Variants in ACTB observed in about 807,000 individuals in gnomAD.
ACTB encodes actin beta.
ACTB carries 2 observed loss-of-function variants against 30.5 expected under a neutral mutation model. The ratio of observed to expected loss-of-function variants is 0.07; its 90% CI spans 0.03 to 0.21. The LOEUF (loss-of-function observed/expected upper bound fraction) is 0.21, where lower values mean the gene tolerates loss of function less well. Ranked by LOEUF, ACTB falls within the 10% of genes least tolerant of loss-of-function variation. ACTB has a pLI of 1.00. For missense variants in ACTB, 56 were observed against 530.0 expected, an observed-to-expected ratio of 0.11 and a Z score of 8.78; for synonymous variants, 335 against 217.6, an observed-to-expected ratio of 1.54 and a Z score of -4.75.
At chr7:5,530,138 C>T (rs1784858886) in intron 1 of ACTB, among the ~76,000 whole-genome samples, 1 of 152,036 alleles carries the variant, frequency 6.6e-6, no homozygotes. Flanking sequence ...TCCCAGCGCG[C>T]ACGCAGTTAG....
At position 5,528,273 on chromosome 7, in the gene ACTB, C is replaced by T; in HGVS notation, c.802+8G>A. On this transcript the variant is annotated splice_region_variant and intron_variant, in intron 4 of 5. Coordinates refer to ENST00000646664, the MANE Select transcript of ACTB (RefSeq NM_001101.5). ...GTCAGGCAGAGCCGGGAGACAGTCT[C>T]CACTCACCCAGGAAGGAAGGCTGGA... 2 of 1,613,812 alleles carry T rather than the reference C, an allele frequency of 1.2e-6. No individual in the cohort carries two copies. Among genetic ancestry groups the T allele is most frequent in the Non-Finnish European group, 1.7e-6 (2 of 1,179,712 alleles).
intron 1 of ACTB, 193 bp from the exon 2 acceptor site, chr7:5,529,856 G>T: frequency 1.0e-6 from 1 of 960,474 alleles, no homozygotes; most frequent in Non-Finnish European, 1.6e-6. Flanking sequence ...GCGGCAGGAA[G>T]CCAGGCCCCA....
chr7:5,527,847 G>A lies in ACTB; in HGVS notation c.1029C>T (p.Gly343=), dbSNP rs1334501614. The A allele has an allele frequency of 6.2e-7, 1 of 1,612,728 alleles. No individual in the cohort carries two copies. The highest frequency in any genetic ancestry group is 2.2e-5 in the East Asian group (1 of 44,776). ...PERKYSVWIG[G]SILASLSTFQ... ...AGGTGGACAGCGAGGCCAGGATGGA[G>A]CCGCCGATCCACACGGAGTACTTGC... The change falls in exon 6 of 6, where the codon GGC becomes GGT. Residue 343 remains glycine (G), a synonymous_variant. Transcript: ENST00000646664.
chr7:5,528,922 CCAGT>C, intron 3 of ACTB: 1 of 1,473,210 alleles, frequency 6.8e-7, no homozygotes, highest in Middle Eastern at 1.9e-4. Flanking sequence ...GTCACACGAG[CCAGT>C]GTTAGTACCT....
intron 1 of ACTB, 109 bp downstream of exon 1, chr7:5,530,415 C>G (rs567390960): frequency 2.0e-5 from 3 of 152,334 alleles, no homozygotes; most frequent in East Asian, 1.9e-4. Flanking sequence ...GTTCCCCCCC[C>G]ATGCGCCCCC....
intron 1 of ACTB, 99 bp from the exon 2 acceptor site, chr7:5,529,762 GCC>G (rs1562720297): frequency 6.4e-7 from 1 of 1,570,612 alleles, no homozygotes; most frequent in Non-Finnish European, 8.7e-7. Context: ...GCCGGCGCGC[GCC>G]CAGATTGGGG....
intron 1 of ACTB, chr7:5,530,120 G>A (rs1433451114): frequency 6.6e-6 from 1 of 152,468 alleles, no homozygotes; most frequent in Admixed American, 6.5e-5. Context: ...CGCGCAATTA[G>A]CGCCAATTCC....
chr7:5,530,527 GC>G lies in ACTB; in HGVS notation c.-11del, dbSNP rs1258691470. ...CCGGTCGGCTGGCCGGGCTTACCTG[GC>G]GGCGGGTGTGGACGGGCGGCGGATC... On this transcript the variant is annotated 5_prime_UTR_variant, in exon 1 of 6. Transcript: ENST00000646664. 1 of 152,182 alleles carries G rather than the reference GC, an allele frequency of 6.6e-6. No individual in the cohort carries two copies. Among genetic ancestry groups the G allele is most frequent in the Non-Finnish European group, 1.5e-5 (1 of 68,224 alleles). The allele number at this position is 152,182 out of a possible 1,614,324, so 9.4% of individuals were successfully genotyped here.
At chr7:5,529,798 G>C (rs923060403) in intron 1 of ACTB, 135 bp from the exon 2 acceptor site, 11 of 1,418,298 alleles carry the variant, frequency 7.8e-6, no homozygotes, top group South Asian at 2.4e-5. Context: ...GGCCGGCCGC[G>C]TTATTACCAT....
At chr7:5,527,942 C>CA in intron 5 of ACTB, 51 bp from the exon 6 acceptor site, 1 of 1,613,054 alleles carries the variant, frequency 6.2e-7, no homozygotes. Context: ...GACAGCTCCC[C>CA]ACACACCACA....
rs778199310 is a variant in ACTB at position 5,527,396 on chromosome 7, T to C, written c.*352A>G. The C allele has an allele frequency of 1.8e-5, 7 of 391,286 alleles. No homozygotes were observed. Among genetic ancestry groups the C allele is most frequent in the Non-Finnish European group, 3.3e-5 (7 of 211,396 alleles). The allele number at this position is 391,286 out of a possible 1,614,324, so 24.2% of individuals were successfully genotyped here. Reference sequence around the variant, plus strand: ...ACGAAAGCAATGCTATCACCTCCCCTGTGTGGACTTGGGAGAGGACTGGGC... The same window carrying C: ...ACGAAAGCAATGCTATCACCTCCCCCGTGTGGACTTGGGAGAGGACTGGGC... On this transcript the variant is annotated 3_prime_UTR_variant, in exon 6 of 6. Transcript: ENST00000646664.
rs1064790 is a variant in ACTB at position 5,527,862 on chromosome 7, G to T, written c.1014C>A (p.Ser338=). ...CCAGGATGGAGCCGCCGATCCACAC[G>T]GAGTACTTGCGCTCAGGAGGAGCAA... ...KIIAPPERKY[S]VWIGGSILAS... The change falls in exon 6 of 6, where the codon TCC becomes TCA. Residue 338 remains serine (S), a synonymous_variant. Coordinates refer to ENST00000646664, the MANE Select transcript of ACTB (RefSeq NM_001101.5). 2 of 1,614,050 alleles carry T rather than the reference G, an allele frequency of 1.2e-6. No homozygotes were observed. Among genetic ancestry groups the T allele is most frequent in the Non-Finnish European group, 1.7e-6 (2 of 1,179,976 alleles).
rs768066226 is a variant in ACTB at position 5,529,628 on chromosome 7, G to A, written c.30C>T (p.Val10=). The A allele has an allele frequency of 1.2e-6, 2 of 1,611,276 alleles. No homozygotes were observed. The highest frequency in any genetic ancestry group is 1.7e-5 in the Admixed American group (1 of 59,990). The change falls in exon 2 of 6, where the codon GTC becomes GTT. Residue 10 remains valine (V), a synonymous_variant. Transcript: ENST00000646664. MDDDIAALV[V]DNGSGMCKAG... Reference sequence around the variant, plus strand: ...CCTTGCACATGCCGGAGCCGTTGTCGACGACGAGCGCGGCGATATCATCAT... The same window carrying A: ...CCTTGCACATGCCGGAGCCGTTGTCAACGACGAGCGCGGCGATATCATCAT...
In ACTB at chr7:5,528,398, T is replaced by C; in HGVS notation, c.685A>G (p.Thr229Ala). 1.9e-6 allele frequency: 3 copies of C among 1,614,086 alleles called. No individual in the cohort carries two copies. Among genetic ancestry groups the C allele is most frequent in the Non-Finnish European group, 2.5e-6 (3 of 1,180,032 alleles). Reference sequence around the variant, plus strand: ...TCCAGGGAGGAGCTGGAAGCAGCCGTGGCCATCTCTTGCTCGAAGTCCAGG... The same window carrying C: ...TCCAGGGAGGAGCTGGAAGCAGCCGCGGCCATCTCTTGCTCGAAGTCCAGG... The part of the protein sequence containing the change: ...VALDFEQEMA[T>A]AASSSSLEKS... The change falls in exon 4 of 6, where the codon ACG (threonine) becomes GCG (alanine). Residue 229 changes from threonine (T) to alanine (A), a missense_variant. This residue lies in a region of ACTB where 32 missense variants were observed against 288.4 expected (regional missense o/e 0.11). Transcript: ENST00000646664.
At chr7:5,528,778 G>C in intron 3 of ACTB, 59 bp from the exon 4 acceptor site, 5 of 1,581,784 alleles carry the variant, frequency 3.2e-6, no homozygotes, top group Middle Eastern at 1.7e-4. Context: ...AGCCAGGCCA[G>C]ACGGGGGACA....
chr7:5,529,038 A>G (rs748199409), intron 3 of ACTB, 123 bp downstream of exon 3: 3 of 1,612,484 alleles, frequency 1.9e-6, no homozygotes, highest in African/African-American at 2.7e-5. Context: ...TCCAAAGGAG[A>G]CTCAGGTCAG....
intron 1 of ACTB, among the ~76,000 whole-genome samples, chr7:5,530,154 A>C (rs893764920): frequency 2.6e-5 from 4 of 151,850 alleles, no homozygotes; most frequent in African/African-American, 9.7e-5. Flanking sequence ...GTTAGCGCCC[A>C]AAGGACCAGC....
Position 5,527,414 on chromosome 7 carries a change from G to A in ACTB, c.*334C>T, listed in dbSNP as rs1784787178. 1.4e-5 allele frequency: 6 copies of A among 440,710 alleles called. No individual in the cohort carries two copies. The highest frequency in any genetic ancestry group is 2.5e-5 in the Non-Finnish European group (6 of 239,972). 27.3% of individuals were successfully genotyped at this position (440,710 alleles called of 1,614,324 possible). ...CCTCCCCTGTGTGGACTTGGGAGAG[G>A]ACTGGGCCATTCTCCTTAGAGAGAA... On this transcript the variant is annotated 3_prime_UTR_variant, in exon 6 of 6. Transcript: ENST00000646664.
intron 3 of ACTB, 59 bp downstream of exon 3, chr7:5,529,102 A>T (rs763457988): frequency 6.2e-7 from 1 of 1,613,586 alleles, no homozygotes; most frequent in South Asian, 1.1e-5. Flanking sequence ...GAAAGGGCGC[A>T]GCTCCGGGAG....
Sources: allele counts gnomAD v4.1 joint callset (sites outside exome capture counted in the v4.1 genomes callset), GRCh38; gene constraint gnomAD v4.1.1; regional missense constraint gnomAD v4.1.1; transcripts MANE v1.5; gene names NCBI Gene and HGNC (gene_info 2026-07-23, HGNC 2026-07-21).